The following SLC8A1 variants were observed in gnomAD, a reference collection of about 807,000 sequenced individuals.
The protein encoded by SLC8A1 is sodium/calcium exchanger 1.
SLC8A1 carries 18 observed loss-of-function variants against 68.3 expected under a neutral mutation model. The ratio of observed to expected loss-of-function variants is 0.26; its 90% confidence interval spans 0.18 to 0.39. The LOEUF is 0.39. SLC8A1 is among the 10% of genes least tolerant of loss of function. The probability of loss-of-function intolerance (pLI) is 1.00; values close to 1 mark genes in which losing one functional copy is unlikely to be tolerated. For missense variants in SLC8A1, 985 were observed against 1,156.7 expected (o/e 0.85, Z 2.15); for synonymous variants, 475 against 415.5 (o/e 1.14, Z -1.74).
At chr2:40,223,275 C>G (rs2058571215) in intron 2 of SLC8A1, among the ~76,000 whole-genome samples, 1 of 152,060 alleles carries the variant, frequency 6.6e-6, no homozygotes. Flanking sequence ...AACAGAAAAC[C>G]AAACACCACA....
chr2:40,318,419 AC>A (rs1469490851), intron 2 of SLC8A1, among the ~76,000 whole-genome samples: 3 of 152,036 alleles, frequency 2.0e-5, no homozygotes, highest in Non-Finnish European at 4.4e-5. Flanking sequence ...ATACTAAATC[AC>A]TTCAATGTAC....
chr2:40,468,920 A>G (rs1034731466), intron 1 of SLC8A1, among the ~76,000 whole-genome samples: 1 of 152,178 alleles, frequency 6.6e-6, no homozygotes. Context: ...TATATTTAAA[A>G]TAAATAAAGA....
intron 1 of SLC8A1, among the ~76,000 whole-genome samples, chr2:40,444,534 C>A (rs187656142): frequency 4.8e-4 from 73 of 152,242 alleles, no homozygotes; most frequent in Non-Finnish European, 1.0e-3. Context: ...TGCTAGGATT[C>A]CCCAAGCCCA....
intron 2 of SLC8A1, among the ~76,000 whole-genome samples, chr2:40,189,325 T>C (rs2051299549): frequency 6.6e-6 from 1 of 152,174 alleles, no homozygotes; most frequent in Non-Finnish European, 1.5e-5. Flanking sequence ...CTGCATATTA[T>C]TATGTTTATT....
chr2:40,172,943 A>G (rs1045491459), intron 4 of SLC8A1, among the ~76,000 whole-genome samples: 1 of 152,138 alleles, frequency 6.6e-6, no homozygotes, highest in African/African-American at 2.4e-5. Context: ...TCCATCTCAA[A>G]AAAAAGTCCT....
chr2:40,282,283 A>C (rs1024405820), intron 2 of SLC8A1, among the ~76,000 whole-genome samples: 2 of 152,196 alleles, frequency 1.3e-5, no homozygotes, highest in Non-Finnish European at 2.9e-5. Context: ...TCTGGAATAA[A>C]ATCCAGAATT....
At chr2:40,103,225 C>T (rs964526430) in exon 8 of SLC8A1, 3 of 152,160 alleles carry the variant, frequency 2.0e-5, no homozygotes, top group Non-Finnish European at 4.4e-5. Flanking sequence ...GCAGAGTTCA[C>T]TATGGTTGCT....
intron 2 of SLC8A1, among the ~76,000 whole-genome samples, chr2:40,391,470 T>C (rs1685242035): frequency 7.2e-6 from 1 of 139,050 alleles, no homozygotes; most frequent in South Asian, 2.1e-4. Context: ...AACTAGGAGA[T>C]TACAGCTGAA....
At chr2:40,216,012 C>CTTTTTT (rs61623694) in intron 2 of SLC8A1, among the ~76,000 whole-genome samples, 62,388 of 143,286 alleles carry the variant, frequency 0.44, 15,200 homozygotes, top group Non-Finnish European at 0.56. Flanking sequence ...CCAGTGTATG[C>CTTTTTT]TTTTTTTTTT....
At chr2:40,124,818 A>G (rs750532608) in intron 7 of SLC8A1, among the ~76,000 whole-genome samples, 2 of 152,242 alleles carry the variant, frequency 1.3e-5, no homozygotes, top group African/African-American at 4.8e-5. Context: ...GTTAAAGTAC[A>G]CTAAGAAAAA....
At chr2:40,116,386 A>T (rs1191507884) in intron 7 of SLC8A1, among the ~76,000 whole-genome samples, 1 of 152,172 alleles carries the variant, frequency 6.6e-6, no homozygotes, top group Non-Finnish European at 1.5e-5. Context: ...ATATGTATAC[A>T]TGTGCCATGC....
At chr2:40,428,924 C>T in exon 2 of SLC8A1, 1 of 1,613,852 alleles carries the variant, frequency 6.2e-7, no homozygotes, top group Non-Finnish European at 8.5e-7. Context: ...TCAGACCCAG[C>T]ATTTGCTGTG....
intron 2 of SLC8A1, among the ~76,000 whole-genome samples, chr2:40,217,856 G>A (rs1454652864): frequency 6.6e-6 from 1 of 152,132 alleles, no homozygotes; most frequent in East Asian, 1.9e-4. Flanking sequence ...CAGAACTAGG[G>A]TTAGAAAGTG....
At chr2:40,248,499 T>C (rs377493594) in intron 2 of SLC8A1, among the ~76,000 whole-genome samples, 76 of 152,276 alleles carry the variant, frequency 5.0e-4, no homozygotes, top group African/African-American at 1.7e-3. Flanking sequence ...CACCAGACAC[T>C]GACTCTGCCA....
At chr2:40,337,221 TC>T (rs1311020215) in intron 2 of SLC8A1, 1 of 261,354 alleles carries the variant, frequency 3.8e-6, no homozygotes, top group Non-Finnish European at 8.6e-6. Flanking sequence ...GTAAATACAT[TC>T]ACTGTTTTGA....
intron 1 of SLC8A1, among the ~76,000 whole-genome samples, chr2:40,440,002 A>G (rs571131016): frequency 6.6e-6 from 1 of 152,236 alleles, no homozygotes; most frequent in South Asian, 2.1e-4. Context: ...TACACTTTAA[A>G]AATGAAACTC....
At chr2:40,149,917 T>G (rs1010761002) in intron 6 of SLC8A1, among the ~76,000 whole-genome samples, 1 of 152,096 alleles carries the variant, frequency 6.6e-6, no homozygotes, top group Non-Finnish European at 1.5e-5. Context: ...ATCTGATGGT[T>G]AAGGCGTTGG....
At chr2:40,170,515 G>C (rs890010076) in intron 4 of SLC8A1, among the ~76,000 whole-genome samples, 166 bp from the exon 7 acceptor site, 1 of 152,174 alleles carries the variant, frequency 6.6e-6, no homozygotes, top group African/African-American at 2.4e-5. Flanking sequence ...GGTCACAGAA[G>C]GGAGCTCTGG....
chr2:40,146,557 G>A (rs944241430), intron 6 of SLC8A1, among the ~76,000 whole-genome samples: 2 of 151,932 alleles, frequency 1.3e-5, no homozygotes, highest in Non-Finnish European at 2.9e-5. Context: ...TTATTGTTAT[G>A]TACTCACCAT....
Sources: allele counts gnomAD v4.1 joint callset (sites outside exome capture counted in the v4.1 genomes callset), GRCh38; gene constraint gnomAD v4.1.1; transcripts MANE v1.5; gene names NCBI Gene and HGNC (gene_info 2026-07-23, HGNC 2026-07-21).